Variants in ANO1 observed in about 807,000 individuals in gnomAD.
ANO1 encodes anoctamin 1.
ANO1 carries 59 observed loss-of-function variants against 124.0 expected under a neutral mutation model. The observed-to-expected ratio is 0.48, with a 90% CI of 0.39 to 0.59. The LOEUF is 0.59. ANO1 is among the 20% of genes least tolerant of loss of function. ANO1 has a pLI of 0.00. For missense variants in ANO1, 1,059 were observed against 1,328.0 expected (o/e 0.80, Z 3.15); for synonymous variants, 529 against 532.0 (o/e 0.99, Z 0.08).
At chr11:70,053,363 G>C (rs1393980059) in intron 1 of ANO1, among the ~76,000 whole-genome samples, 1 of 152,140 alleles carries the variant, frequency 6.6e-6, no homozygotes, top group Admixed American at 6.5e-5. Flanking sequence ...TCCAACATCA[G>C]GGTACAGCTT....
chr11:69,988,956 G>C (rs556073139), intron 1 of ANO1, among the ~76,000 whole-genome samples: 6 of 151,888 alleles, frequency 4.0e-5, no homozygotes, highest in Admixed American at 3.9e-4. Flanking sequence ...AAGGAAGGAA[G>C]GAAGGAAATA....
intron 1 of ANO1, among the ~76,000 whole-genome samples, chr11:70,014,564 T>C (rs1555001630): frequency 1.3e-5 from 2 of 152,106 alleles, no homozygotes; most frequent in Non-Finnish European, 2.9e-5. Flanking sequence ...TGCTGGTCTG[T>C]GGGTGTTTGG....
At chr11:70,067,261 C>T (rs1349471681) in intron 1 of ANO1, among the ~76,000 whole-genome samples, 1 of 151,646 alleles carries the variant, frequency 6.6e-6, no homozygotes, top group African/African-American at 2.4e-5. Context: ...TCTGTTTTGT[C>T]GATGGTCTGC....
At chr11:70,084,117 G>T (rs1417043658) in intron 1 of ANO1, among the ~76,000 whole-genome samples, 2 of 152,154 alleles carry the variant, frequency 1.3e-5, no homozygotes, top group Non-Finnish European at 2.9e-5. Context: ...GAGGAGATGA[G>T]GAGGAATAGC....
intron 1 of ANO1, among the ~76,000 whole-genome samples, chr11:70,087,544 G>A (rs969340985): frequency 5.9e-5 from 9 of 152,246 alleles, no homozygotes; most frequent in Admixed American, 3.9e-4. Flanking sequence ...CCTCCTTCTC[G>A]AAGTTCAGCT....
intron 1 of ANO1, among the ~76,000 whole-genome samples, chr11:70,014,167 G>T (rs557997449): frequency 1.5e-5 from 2 of 137,812 alleles, no homozygotes; most frequent in East Asian, 2.0e-4. Context: ...CATATCAACT[G>T]GGGGGGAAGC....
chr11:70,118,151 G>A (rs542604133), intron 8 of ANO1, among the ~76,000 whole-genome samples: 3 of 151,546 alleles, frequency 2.0e-5, no homozygotes, highest in East Asian at 3.9e-4. Flanking sequence ...CTTTCTAGCC[G>A]AATTCAGTTC....
chr11:70,034,956 G>A (rs1380480647), intron 1 of ANO1, among the ~76,000 whole-genome samples: 1 of 151,632 alleles, frequency 6.6e-6, no homozygotes, highest in Non-Finnish European at 1.5e-5. Flanking sequence ...ACCAGGAAGG[G>A]GCAGAACAAC....
intron 1 of ANO1, among the ~76,000 whole-genome samples, chr11:70,036,763 A>T (rs944752704): frequency 1.3e-5 from 2 of 151,990 alleles, no homozygotes; most frequent in African/African-American, 4.8e-5. Flanking sequence ...ACCCGCCACC[A>T]CACCCGGCTA....
At chr11:70,110,245 G>C (rs2045719406) in intron 6 of ANO1, among the ~76,000 whole-genome samples, 1 of 142,358 alleles carries the variant, frequency 7.0e-6, no homozygotes, top group African/African-American at 2.6e-5. Flanking sequence ...ATAGTGCAAT[G>C]GCACAATCTC....
chr11:69,972,410 C>T, the ANO1 span, among the ~76,000 whole-genome samples: 1 of 151,972 alleles, frequency 6.6e-6, no homozygotes, highest in South Asian at 2.1e-4. Flanking sequence ...CACAAGCAGC[C>T]GGCATCAACT....
At chr11:70,095,267 G>GGAAGGAAGGAAGGAAA (rs1309505908) in intron 2 of ANO1, among the ~76,000 whole-genome samples, 4 of 71,350 alleles carry the variant, frequency 5.6e-5, no homozygotes, top group African/African-American at 1.9e-4. Flanking sequence ...AAGGAAGGAA[G>GGAAGGAAGGAAGGAAA]GAAGGAAGGA....
intron 1 of ANO1, among the ~76,000 whole-genome samples, chr11:70,011,830 T>C (rs1172598489): frequency 6.6e-6 from 1 of 152,208 alleles, no homozygotes; most frequent in Non-Finnish European, 1.5e-5. Flanking sequence ...AGCAAAGTCG[T>C]TGTAAATAAG....
intron 1 of ANO1, among the ~76,000 whole-genome samples, chr11:70,046,670 T>C (rs978903422): frequency 6.6e-6 from 1 of 152,110 alleles, no homozygotes; most frequent in Non-Finnish European, 1.5e-5. Context: ...CAAAGCTGAA[T>C]GAGTCAGGTC....
chr11:70,186,399 A>AAGGAAGG (rs1565291366), intron 25 of ANO1, among the ~76,000 whole-genome samples: 7 of 83,430 alleles, frequency 8.4e-5, no homozygotes, highest in African/African-American at 1.3e-4. Flanking sequence ...AGGAAGGAAG[A>AAGGAAGG]AAGACATGGA....
chr11:69,997,490 T>C (rs554359619), intron 1 of ANO1, among the ~76,000 whole-genome samples: 327 of 152,210 alleles, frequency 2.1e-3, no homozygotes, highest in African/African-American at 7.4e-3. Context: ...GGGCCAGACA[T>C]GAAAATCAAC....
chr11:70,140,305 G>A (rs1326271471), intron 11 of ANO1, among the ~76,000 whole-genome samples: 5 of 151,684 alleles, frequency 3.3e-5, no homozygotes, highest in Non-Finnish European at 7.4e-5. Context: ...CAAGGTGTGT[G>A]GATCACCTGA....
At chr11:70,114,469 G>A (rs553429660) in intron 7 of ANO1, among the ~76,000 whole-genome samples, 1 of 152,338 alleles carries the variant, frequency 6.6e-6, no homozygotes, top group African/African-American at 2.4e-5. Context: ...CGGTGGCCAT[G>A]GTGAGGCTCT....
At position 70,107,947 on chromosome 11, in the gene ANO1, C is replaced by G. The variant is rs2045624022; in HGVS notation, c.748-406C>G. 2.0e-5 allele frequency among the ~76,000 whole-genome samples: 3 copies of G among 152,222 alleles called. No individual in the cohort carries two copies. The South Asian group carries it at 6.2e-4, about 32-fold the overall frequency. ...AGTCCTAGAACATTCAGGGCTGTGT[C>G]CCAGAGTGGTGCTGTTCCAACTCAG... On this transcript the variant is annotated intron_variant, in intron 5 of 25. Coordinates refer to ENST00000355303, the MANE Select transcript of ANO1 (RefSeq NM_018043.7).
Sources: allele counts gnomAD v4.1 joint callset (sites outside exome capture counted in the v4.1 genomes callset), GRCh38; gene constraint gnomAD v4.1.1; transcripts MANE v1.5; gene names NCBI Gene and HGNC (gene_info 2026-07-23, HGNC 2026-07-21).